KCNMB2: variants seen among roughly 807,000 people sequenced by gnomAD.
KCNMB2 encodes the protein potassium calcium-activated channel subfamily M regulatory beta subunit 2, also known as calcium-activated potassium channel subunit beta-2.
Under a neutral mutation model 24.5 loss-of-function variants are expected in KCNMB2, and 9 were observed. The ratio of observed to expected loss-of-function variants is 0.37; its 90% CI spans 0.22 to 0.64. The LOEUF (loss-of-function observed/expected upper bound fraction) is 0.64. Among genes scored for constraint, KCNMB2 ranks in the 30% least tolerant of loss-of-function variants. The probability of loss-of-function intolerance (pLI) is 0.63; values close to 1 mark genes in which losing one functional copy is unlikely to be tolerated. For synonymous variants in KCNMB2, 109 were observed against 104.4 expected (o/e 1.04, Z -0.27); for missense variants, 226 against 284.3 (o/e 0.79, Z 1.47).
intron 1 of KCNMB2, among the ~76,000 whole-genome samples, chr3:178,716,265 C>T (rs181810484): frequency 6.6e-5 from 10 of 152,246 alleles, no homozygotes; most frequent in African/African-American, 2.4e-4. Flanking sequence ...TGAGAGTTTG[C>T]AATACGTCAG....
chr3:178,564,406 T>A (rs1314351837), intron 1 of KCNMB2, among the ~76,000 whole-genome samples: 2 of 152,068 alleles, frequency 1.3e-5, no homozygotes, highest in Admixed American at 1.3e-4. Flanking sequence ...CTTATGTAGG[T>A]CTGAATATCA....
In KCNMB2 at chr3:178,772,244, T is replaced by C. The variant is rs115147824; in HGVS notation, c.-67-35099T>C. 1.9e-3 allele frequency among the ~76,000 whole-genome samples: 294 copies of C among 152,306 alleles called. 3 individuals carry two copies. Among genetic ancestry groups the C allele is most frequent in the African/African-American group, 6.6e-3 (274 of 41,560 alleles). ...TAGCTTGAACCATATGACACTGCCT[T>C]TTATGTAGGTAGAAAATGGTCAAAT... On this transcript the variant is annotated intron_variant, in intron 1 of 4. Transcript: ENST00000452583.
At chr3:178,791,450 G>A (rs996062830) in intron 1 of KCNMB2, among the ~76,000 whole-genome samples, 3 of 151,952 alleles carry the variant, frequency 2.0e-5, no homozygotes, top group African/African-American at 7.2e-5. Flanking sequence ...AAAGAAAAAA[G>A]AACAAAAAAC....
At chr3:178,626,372 A>C (rs887219463) in intron 1 of KCNMB2, among the ~76,000 whole-genome samples, 2 of 152,256 alleles carry the variant, frequency 1.3e-5, no homozygotes, top group Admixed American at 6.5e-5. Context: ...AATGGCTTGC[A>C]AAGTGCCTGA....
At chr3:178,537,158 G>C (rs1715437565) in intron 1 of KCNMB2, 1 of 152,066 alleles carries the variant, frequency 6.6e-6, no homozygotes, top group African/African-American at 2.4e-5. Flanking sequence ...GTGTTTTGAT[G>C]GTCAGAGTCT....
At chr3:178,633,586 C>G (rs1172419874) in intron 1 of KCNMB2, among the ~76,000 whole-genome samples, 2 of 152,146 alleles carry the variant, frequency 1.3e-5, no homozygotes, top group African/African-American at 4.8e-5. Flanking sequence ...ACACAGTGGT[C>G]ACAGGGTGGG....
intron 1 of KCNMB2, among the ~76,000 whole-genome samples, chr3:178,589,266 A>T (rs1288473993): frequency 5.3e-5 from 8 of 152,206 alleles, no homozygotes; most frequent in Non-Finnish European, 1.2e-4. Flanking sequence ...CACTAGGTGC[A>T]TTGTAAAATC....
At chr3:178,804,973 T>C (rs1434378612) in intron 1 of KCNMB2, among the ~76,000 whole-genome samples, 5 of 152,266 alleles carry the variant, frequency 3.3e-5, no homozygotes, top group Admixed American at 2.6e-4. Flanking sequence ...GTAGTCCCTA[T>C]TCTATTTGAT....
chr3:178,662,221 C>T (rs962138566), intron 1 of KCNMB2, among the ~76,000 whole-genome samples: 2 of 151,992 alleles, frequency 1.3e-5, no homozygotes, highest in Non-Finnish European at 2.9e-5. Flanking sequence ...AGTAGAATAC[C>T]CTTTGCTAAA....
At chr3:178,599,762 T>C (rs1188739959) in intron 1 of KCNMB2, among the ~76,000 whole-genome samples, 1 of 152,212 alleles carries the variant, frequency 6.6e-6, no homozygotes, top group Non-Finnish European at 1.5e-5. Flanking sequence ...CACAACTCGT[T>C]TCCCTCTCCT....
At chr3:178,564,590 T>A (rs1716450364) in intron 1 of KCNMB2, among the ~76,000 whole-genome samples, 2 of 152,212 alleles carry the variant, frequency 1.3e-5, no homozygotes, top group Admixed American at 1.3e-4. Context: ...CTAGGTGATT[T>A]ACATGCATTG....
intron 3 of KCNMB2, among the ~76,000 whole-genome samples, chr3:178,827,164 C>T (rs778463866): frequency 5.3e-5 from 8 of 152,162 alleles, no homozygotes; most frequent in Non-Finnish European, 1.2e-4. Flanking sequence ...TCAGCTTATA[C>T]CCAAAACCAA....
rs542779162 is a variant in KCNMB2 at position 178,816,794 on chromosome 3, T to C, written c.57-8794T>C. Among the ~76,000 whole-genome samples, 76 of 152,274 alleles carry C rather than the reference T, an allele frequency of 5.0e-4. 1 individual carries two copies. In the Middle Eastern group the frequency reaches 0.01, roughly 20 times the overall value. Reference sequence around the variant, plus strand: ...AGATGTCATTCTAGTTATTTTTTGTTATTTATTTCTAGCATTATTGCATTA... The same window carrying C: ...AGATGTCATTCTAGTTATTTTTTGTCATTTATTTCTAGCATTATTGCATTA... On this transcript the variant is annotated intron_variant, in intron 2 of 4. Transcript: ENST00000452583.
At chr3:178,592,728 A>G (rs1195111321) in intron 1 of KCNMB2, among the ~76,000 whole-genome samples, 1 of 152,062 alleles carries the variant, frequency 6.6e-6, no homozygotes, top group Non-Finnish European at 1.5e-5. Flanking sequence ...TTGTTTTACG[A>G]GAGTCATTCT....
intron 1 of KCNMB2, among the ~76,000 whole-genome samples, chr3:178,544,779 C>T (rs1490105986): frequency 6.6e-6 from 1 of 151,998 alleles, no homozygotes; most frequent in Non-Finnish European, 1.5e-5. Flanking sequence ...AAAAAATAGG[C>T]AAGTAGTAAA....
intron 1 of KCNMB2, among the ~76,000 whole-genome samples, chr3:178,785,869 A>G (rs1370242631): frequency 6.6e-6 from 1 of 152,188 alleles, no homozygotes; most frequent in Admixed American, 6.5e-5. Context: ...AGCTACTAAT[A>G]ATGTCAAGCC....
intron 1 of KCNMB2, among the ~76,000 whole-genome samples, chr3:178,730,632 A>G (rs187637880): frequency 6.6e-6 from 1 of 152,322 alleles, no homozygotes; most frequent in African/African-American, 2.4e-5. Flanking sequence ...ACTCTTTGCC[A>G]TGACTTATGA....
At chr3:178,776,372 C>A (rs1329173764) in intron 1 of KCNMB2, among the ~76,000 whole-genome samples, 1 of 152,092 alleles carries the variant, frequency 6.6e-6, no homozygotes, top group Admixed American at 6.6e-5. Context: ...TTTGTTCATT[C>A]TTTTCACCCC....
rs1348784650 is a variant in KCNMB2, at chr3:178,828,945, G to A, written c.423+572G>A. On this transcript the variant is annotated intron_variant, in intron 4 of 4. Coordinates refer to ENST00000452583, the MANE Select transcript of KCNMB2 (RefSeq NM_181361.3). ...GGTCACTGTGTGTGTGTGTGTGTGT[G>A]TGTGTGTGTGTGTGTGTGTGTGTGT... Among the ~76,000 whole-genome samples, 25 of 146,412 alleles carry A rather than the reference G, an allele frequency of 1.7e-4. No individual in the cohort carries two copies. The South Asian group carries it at 5.0e-3, about 29-fold the overall frequency.
Sources: allele counts gnomAD v4.1 joint callset (sites outside exome capture counted in the v4.1 genomes callset), GRCh38; gene constraint gnomAD v4.1.1; transcripts MANE v1.5; gene names NCBI Gene and HGNC (gene_info 2026-07-23, HGNC 2026-07-21).